The following MID1 variants were observed in gnomAD, a reference collection of about 807,000 sequenced individuals.
MID1 encodes midline 1, also known as E3 ubiquitin-protein ligase Midline-1.
A neutral mutation model predicts 40.4 loss-of-function variants in MID1; 7 were observed. The observed-to-expected ratio is 0.17, with a 90% CI of 0.10 to 0.33. The LOEUF (loss-of-function observed/expected upper bound fraction) is 0.33. Ranked by LOEUF, MID1 falls within the 10% of genes least tolerant of loss-of-function variation. MID1 has a pLI of 1.00. For missense variants in MID1, 367 were observed against 558.5 expected, an observed-to-expected ratio of 0.66 and a Z score of 3.46; for synonymous variants, 229 against 221.2, an observed-to-expected ratio of 1.04 and a Z score of -0.31.
At chrX:10,680,773 G>A (rs756173933) in intron 1 of MID1, among the ~76,000 whole-genome samples, 2 of 110,626 alleles carry the variant, frequency 1.8e-5, no homozygotes, top group South Asian at 3.9e-4. Context: ...GGTGGCTCAC[G>A]CCTACAATCC....
At chrX:10,539,474 T>C (rs1168055532) in intron 2 of MID1, among the ~76,000 whole-genome samples, 1 of 112,052 alleles carries the variant, frequency 8.9e-6, no homozygotes, top group Non-Finnish European at 1.9e-5. Context: ...AATGTTATTC[T>C]ATTTTACATA....
intron 2 of MID1, among the ~76,000 whole-genome samples, chrX:10,561,370 G>C (rs1934332271): frequency 9.4e-6 from 1 of 106,748 alleles, no homozygotes; most frequent in South Asian, 3.7e-4. Context: ...TGACAAATGG[G>C]ATCTAATTAA....
rs763464226 is a variant in MID1, at chrX:10,608,881, T to C, written c.-57+11409A>G. Among the ~76,000 whole-genome samples, 372 of 111,809 alleles carry C rather than the reference T, an allele frequency of 3.3e-3. 2 individuals are homozygous for C. Among genetic ancestry groups the C allele is most frequent in the African/African-American group, 0.011 (351 of 30,774 alleles). ...AAAGACAGAAATACATAAACATGAGTATAAGTGTAATTTTATTTCTAGGTA... is the reference window on the plus strand; with the variant it reads ...AAAGACAGAAATACATAAACATGAGCATAAGTGTAATTTTATTTCTAGGTA... On this transcript the variant is annotated intron_variant, in intron 1 of 9. Transcript: ENST00000317552.
intron 1 of MID1, among the ~76,000 whole-genome samples, chrX:10,805,485 G>A (rs1391618914): frequency 9.3e-6 from 1 of 107,231 alleles, no homozygotes; most frequent in African/African-American, 3.4e-5. Flanking sequence ...GGACATCTGG[G>A]TTGGTTCCAA....
intron 1 of MID1, among the ~76,000 whole-genome samples, chrX:10,671,812 C>T (rs1400837409): frequency 1.8e-5 from 2 of 111,844 alleles, no homozygotes; most frequent in Non-Finnish European, 3.8e-5. Flanking sequence ...ATAGGGCTCT[C>T]TCAGTGAGCT....
intron 2 of MID1, among the ~76,000 whole-genome samples, chrX:10,529,563 C>G (rs1479176527): frequency 1.8e-5 from 2 of 111,964 alleles, no homozygotes; most frequent in Non-Finnish European, 3.8e-5. Flanking sequence ...GAATGGGCAA[C>G]TCCCTTTCCT....
intron 1 of MID1, among the ~76,000 whole-genome samples, chrX:10,802,796 C>A (rs1416753254): frequency 9.0e-6 from 1 of 111,548 alleles, no homozygotes; most frequent in Admixed American, 9.5e-5. Context: ...CAATGGTGGA[C>A]TGGATAAAGA....
At chrX:10,627,448 G>T (rs1023247939) in intron 1 of MID1, among the ~76,000 whole-genome samples, 11 of 111,969 alleles carry the variant, frequency 9.8e-5, no homozygotes, top group African/African-American at 3.6e-4. Context: ...CATTCTTTTA[G>T]ATCTCCAGGA....
intron 1 of MID1, among the ~76,000 whole-genome samples, chrX:10,604,712 C>T (rs965360500): frequency 2.6e-4 from 29 of 112,221 alleles, no homozygotes; most frequent in African/African-American, 9.0e-4. Context: ...ATCTGAAAAT[C>T]CCTACAATTT....
At chrX:10,613,210 A>G (rs1229194879) in intron 1 of MID1, among the ~76,000 whole-genome samples, 3 of 111,616 alleles carry the variant, frequency 2.7e-5, no homozygotes, top group Admixed American at 9.5e-5. Flanking sequence ...TTGACATAGG[A>G]CAGATACCAC....
At chrX:10,743,184 C>T in intron 1 of MID1, among the ~76,000 whole-genome samples, 1 of 112,196 alleles carries the variant, frequency 8.9e-6, no homozygotes, top group Non-Finnish European at 1.9e-5. Context: ...GATTCTTGGG[C>T]TGGGTGGTTG....
chrX:10,661,607 C>G (rs1234244722), intron 1 of MID1, among the ~76,000 whole-genome samples: 1 of 110,969 alleles, frequency 9.0e-6, no homozygotes, highest in Non-Finnish European at 1.9e-5. Context: ...GCCACCGCAC[C>G]CGGCATTGTG....
Position 10,449,684 on chromosome X carries a change from G to C in MID1, c.1688C>G (p.Pro563Arg). Residue 563 changes from proline (P) to arginine (R), a missense_variant, in exon 10 of 10, where the codon CCG becomes CGG. By Grantham distance (103) the Pro-to-Arg change is moderately radical. Transcript: ENST00000317552. ...YAIGLAYKSA[P>R]KHEWIGKNSA... ...GTTCTTCCCAATCCATTCATGCTTC[G>C]GGGCTGATTTGTAAGCAAGACCAAT... 1 of 1,210,940 alleles carries C rather than the reference G, an allele frequency of 8.3e-7. No individual in the cohort carries two copies. Among genetic ancestry groups the C allele is most frequent in the Non-Finnish European group, 1.1e-6 (1 of 894,978 alleles).
At chrX:10,508,817 A>G (rs932437064) in intron 3 of MID1, among the ~76,000 whole-genome samples, 12 of 112,081 alleles carry the variant, frequency 1.1e-4, no homozygotes, top group Admixed American at 1.0e-3. Flanking sequence ...GTTATATCTT[A>G]CTGCCCCTTG....
chrX:10,724,767 C>T (rs1226818003), intron 1 of MID1, among the ~76,000 whole-genome samples: 1 of 112,401 alleles, frequency 8.9e-6, no homozygotes, highest in Non-Finnish European at 1.9e-5. Flanking sequence ...TCTTAGTTAC[C>T]TTGGTTGATT....
At chrX:10,670,320 A>T (rs958260468) in intron 1 of MID1, among the ~76,000 whole-genome samples, 2 of 112,214 alleles carry the variant, frequency 1.8e-5, no homozygotes, top group Non-Finnish European at 3.8e-5. Context: ...CTTGGTAAGA[A>T]ATTTATTACC....
chrX:10,523,122 A>G lies in MID1; in HGVS notation c.726T>C (p.Ala242=), dbSNP rs745720596. Residue 242 remains alanine, a synonymous_variant, in exon 3 of 10, where the codon GCT becomes GCC. Coordinates refer to ENST00000317552, the MANE Select transcript of MID1 (RefSeq NM_000381.4). ...KRNTELETLL[A]KLIQTCQHVE... is the part of the protein sequence containing the mutation. ...CATGTTGACAGGTTTGGATGAGTTT[A>G]GCCAAAAGGGTCTCCAGTTCTGTGT... The G allele has an allele frequency of 2.5e-6, 3 of 1,205,769 alleles. No homozygotes were observed. In the South Asian group the frequency reaches 5.3e-5, roughly 21 times the overall value.
intron 1 of MID1, among the ~76,000 whole-genome samples, chrX:10,780,792 G>A (rs1400531203): frequency 1.8e-5 from 2 of 111,755 alleles, no homozygotes; most frequent in South Asian, 7.5e-4. Flanking sequence ...CATAGATGTG[G>A]TGGTAGGGGG....
At chrX:10,621,339 A>T (rs1474628808), upstream of MID1, among the ~76,000 whole-genome samples, 1 of 112,023 alleles carries the variant, frequency 8.9e-6, no homozygotes, top group East Asian at 2.8e-4. Flanking sequence ...GGAGAGCTGG[A>T]GAAGTAGTTG....
Sources: allele counts gnomAD v4.1 joint callset (sites outside exome capture counted in the v4.1 genomes callset), GRCh38; gene constraint gnomAD v4.1.1; transcripts MANE v1.5; gene names NCBI Gene and HGNC (gene_info 2026-07-23, HGNC 2026-07-21).